The following MICU1 variants were observed in gnomAD, a reference collection of about 807,000 sequenced individuals.
The protein encoded by MICU1 is mitochondrial calcium uptake 1.
Under a neutral mutation model 56.8 loss-of-function variants are expected in MICU1, and 45 were observed. That is an observed-to-expected ratio of 0.79 (90% confidence interval 0.62 to 1.02). MICU1 has a LOEUF of 1.02. Ranked by LOEUF, MICU1 falls within the 50% of genes least tolerant of loss-of-function variation. MICU1 has a pLI of 0.00. For missense variants in MICU1, 504 were observed against 587.1 expected (o/e 0.86, Z 1.46); for synonymous variants, 186 against 195.1 (o/e 0.95, Z 0.39).
intron 10 of MICU1, among the ~76,000 whole-genome samples, chr10:72,377,817 C>G (rs756245870): frequency 6.6e-6 from 1 of 152,178 alleles, no homozygotes; most frequent in Non-Finnish European, 1.5e-5. Flanking sequence ...CCTTGTTTAT[C>G]GCATTCCTAT....
chr10:72,413,595 G>C (rs1589190793), intron 9 of MICU1, among the ~76,000 whole-genome samples: 1 of 152,054 alleles, frequency 6.6e-6, no homozygotes, highest in Non-Finnish European at 1.5e-5. Flanking sequence ...TAGCCAGGCT[G>C]TGGTGGTGGG....
chr10:72,622,794 T>C (rs546509258), intron 1 of MICU1, among the ~76,000 whole-genome samples: 1 of 152,228 alleles, frequency 6.6e-6, no homozygotes, highest in Non-Finnish European at 1.5e-5. Context: ...AATAGGAAAT[T>C]TAAAATGTTT....
chr10:72,456,253 T>C (rs952113804), intron 8 of MICU1, among the ~76,000 whole-genome samples: 3 of 152,206 alleles, frequency 2.0e-5, no homozygotes, highest in East Asian at 1.9e-4. Flanking sequence ...AGGCTAATCC[T>C]ATAATCTGGG....
intron 8 of MICU1, among the ~76,000 whole-genome samples, chr10:72,436,563 T>C (rs1864730074): frequency 6.6e-6 from 1 of 152,164 alleles, no homozygotes; most frequent in African/African-American, 2.4e-5. Flanking sequence ...AGAATGACTT[T>C]GACGAGTTGA....
intron 8 of MICU1, among the ~76,000 whole-genome samples, chr10:72,462,576 G>A (rs1306679620): frequency 6.6e-6 from 1 of 152,154 alleles, no homozygotes; most frequent in Non-Finnish European, 1.5e-5. Flanking sequence ...GTTGTAGCTA[G>A]AAGTGTATAT....
intron 1 of MICU1, among the ~76,000 whole-genome samples, chr10:72,605,997 G>A (rs1841678069): frequency 6.6e-6 from 1 of 151,900 alleles, no homozygotes; most frequent in Non-Finnish European, 1.5e-5. Context: ...TGGGCGTGGT[G>A]GCGCATGCCT....
intron 1 of MICU1, 139 bp from the exon 2 acceptor site, chr10:72,566,933 A>G: frequency 1.5e-6 from 1 of 656,850 alleles, no homozygotes; most frequent in Non-Finnish European, 2.5e-6. Flanking sequence ...TGCTTATATT[A>G]TCCCATTTAA....
Position 72,569,235 on chromosome 10 carries a change from A to AT in MICU1, c.-1-2442dup, listed in dbSNP as rs1245936809. Among the ~76,000 whole-genome samples, 148 of 42,540 alleles carry AT rather than the reference A, an allele frequency of 3.5e-3. 3 individuals carry two copies. The highest frequency in any genetic ancestry group is 4.9e-3 in the Non-Finnish European group (112 of 22,978). The allele number at this position is 42,540 out of a possible 152,430, so 27.9% of individuals were successfully genotyped here. A position where few individuals can be genotyped will look rare whatever the true frequency, so the allele number is the denominator to read the frequency against. Reference sequence around the variant, plus strand: ...TATATATATATATATATATATATATATATTTTTTTTTTTTTTTGAGATGGC... The same window carrying AT: ...TATATATATATATATATATATATATATTATTTTTTTTTTTTTTTGAGATGGC... On this transcript the variant is annotated intron_variant, in intron 1 of 11. Coordinates refer to ENST00000361114, the MANE Select transcript of MICU1 (RefSeq NM_001195518.2).
Position 72,618,447 on chromosome 10 carries a change from T to C in MICU1, c.-2+7563A>G, listed in dbSNP as rs562096250. On this transcript the variant is annotated intron_variant, in intron 1 of 11. Transcript: ENST00000361114. ...TTATGCTTCAATACCATCTCACAAC[T>C]TATTAGCATAAAATATCAGATAATA... Among the ~76,000 whole-genome samples, 7 of 152,164 alleles carry C rather than the reference T, an allele frequency of 4.6e-5. No homozygotes were observed. In the East Asian group the frequency reaches 1.4e-3, roughly 29 times the overall value.
At chr10:72,372,464 T>TA (rs1167255751) in intron 11 of MICU1, among the ~76,000 whole-genome samples, 1 of 151,958 alleles carries the variant, frequency 6.6e-6, no homozygotes, top group Admixed American at 6.6e-5. Flanking sequence ...GACCTCTCTC[T>TA]AAAAAAACAA....
chr10:72,493,416 ATTT>A (rs1460072928), intron 6 of MICU1, among the ~76,000 whole-genome samples: 6 of 152,158 alleles, frequency 3.9e-5, no homozygotes, highest in African/African-American at 1.2e-4. Context: ...TTTCTCGTTT[ATTT>A]TTATGTGTGT....
At chr10:72,530,912 G>T (rs1564921273) in intron 5 of MICU1, among the ~76,000 whole-genome samples, 1 of 152,060 alleles carries the variant, frequency 6.6e-6, no homozygotes, top group East Asian at 1.9e-4. Context: ...AATATCAGTT[G>T]CACCACTCTT....
intron 11 of MICU1, among the ~76,000 whole-genome samples, chr10:72,369,303 GAA>G (rs35019906): frequency 9.2e-5 from 10 of 108,528 alleles, no homozygotes; most frequent in Admixed American, 2.0e-4. Flanking sequence ...ATGTCTCTTG[GAA>G]AAAAAAAAAA....
At chr10:72,620,367 G>T (rs2132589398) in intron 1 of MICU1, among the ~76,000 whole-genome samples, 1 of 152,070 alleles carries the variant, frequency 6.6e-6, no homozygotes, top group African/African-American at 2.4e-5. Context: ...TGTATTTTTA[G>T]TAGAGACAGG....
At chr10:72,453,343 C>T (rs529449708) in intron 8 of MICU1, among the ~76,000 whole-genome samples, 1 of 152,044 alleles carries the variant, frequency 6.6e-6, no homozygotes, top group Non-Finnish European at 1.5e-5. Context: ...GAATATACCA[C>T]GATATTCTTT....
chr10:72,498,415 G>GT (rs896974001), intron 6 of MICU1, among the ~76,000 whole-genome samples: 6 of 152,142 alleles, frequency 3.9e-5, no homozygotes, highest in Admixed American at 3.3e-4. Flanking sequence ...GTGAAACCCC[G>GT]TCTCTATTAA....
intron 1 of MICU1, among the ~76,000 whole-genome samples, chr10:72,576,402 C>A (rs181643352): frequency 6.6e-6 from 1 of 152,132 alleles, no homozygotes; most frequent in East Asian, 1.9e-4. Context: ...GTGAATCAGG[C>A]TTACTGCTGA....
At chr10:72,423,426 G>T (rs1020752247) in intron 8 of MICU1, 55 bp from the exon 9 acceptor site, 13 of 1,575,164 alleles carry the variant, frequency 8.3e-6, no homozygotes, top group Middle Eastern at 3.4e-4. Context: ...ATTTTGACGT[G>T]GAACACGGAA....
intron 1 of MICU1, among the ~76,000 whole-genome samples, chr10:72,611,154 T>A (rs566743562): frequency 3.6e-4 from 54 of 148,704 alleles, no homozygotes; most frequent in African/African-American, 1.2e-3. Context: ...TACAAAAAAA[T>A]TAGCCGGGCG....
Sources: allele counts gnomAD v4.1 joint callset (sites outside exome capture counted in the v4.1 genomes callset), GRCh38; gene constraint gnomAD v4.1.1; transcripts MANE v1.5; gene names NCBI Gene and HGNC (gene_info 2026-07-23, HGNC 2026-07-21).